PCDH11X: variants seen among roughly 807,000 people sequenced by gnomAD.
PCDH11X encodes the protein protocadherin 11 X-linked.
PCDH11X carries 18 observed loss-of-function variants against 53.3 expected under a neutral mutation model. The observed-to-expected ratio is 0.34, with a 90% CI of 0.23 to 0.50. The LOEUF is 0.50. PCDH11X is among the 20% of genes least tolerant of loss of function. The probability of loss-of-function intolerance (pLI) is 0.98; values close to 1 mark genes in which losing one functional copy is unlikely to be tolerated. For missense variants in PCDH11X, 570 were observed against 1,032.4 expected (o/e 0.55, Z 6.14); for synonymous variants, 279 against 393.3 (o/e 0.71, Z 3.44).
At chrX:91,965,683 T>C (rs1386596636) in intron 6 of PCDH11X, among the ~76,000 whole-genome samples, 1 of 111,895 alleles carries the variant, frequency 8.9e-6, no homozygotes, top group Non-Finnish European at 1.9e-5. Context: ...ATCTATTTCT[T>C]AATAAAAGAT....
chrX:92,174,239 C>A (rs970474742), intron 6 of PCDH11X, among the ~76,000 whole-genome samples: 3 of 107,786 alleles, frequency 2.8e-5, no homozygotes, highest in Non-Finnish European at 5.7e-5. Flanking sequence ...GAAAAAAAAA[C>A]CTCATAAAAC....
chrX:92,317,661 A>G (rs781778574), intron 8 of PCDH11X, among the ~76,000 whole-genome samples: 1 of 111,945 alleles, frequency 8.9e-6, no homozygotes, highest in South Asian at 3.7e-4. Flanking sequence ...CAGTTCTAAC[A>G]GATTTTTTTC....
At chrX:92,167,345 T>G (rs1030790320) in intron 6 of PCDH11X, among the ~76,000 whole-genome samples, 4 of 111,831 alleles carry the variant, frequency 3.6e-5, no homozygotes, top group African/African-American at 1.3e-4. Context: ...CATAGAATTA[T>G]TAGCAAAAAT....
At chrX:92,002,455 T>A (rs1369020957) in intron 6 of PCDH11X, among the ~76,000 whole-genome samples, 1 of 110,861 alleles carries the variant, frequency 9.0e-6, no homozygotes, top group Non-Finnish European at 1.9e-5. Flanking sequence ...GGTATTTTGA[T>A]AGGATTGCAT....
At chrX:92,609,178 A>T (rs1453909303) in intron 10 of PCDH11X, among the ~76,000 whole-genome samples, 2 of 111,926 alleles carry the variant, frequency 1.8e-5, no homozygotes, top group East Asian at 5.6e-4. Context: ...CCTTTTGGTG[A>T]TTATTAATAA....
intron 8 of PCDH11X, among the ~76,000 whole-genome samples, chrX:92,299,764 G>A (rs1207340924): frequency 9.1e-6 from 1 of 110,391 alleles, no homozygotes; most frequent in African/African-American, 3.3e-5. Flanking sequence ...ACCAACTCCT[G>A]CATTCATTAA....
chrX:92,085,048 A>T (rs1171113351), intron 6 of PCDH11X, among the ~76,000 whole-genome samples: 8 of 110,709 alleles, frequency 7.2e-5, no homozygotes, highest in Non-Finnish European at 1.5e-4. Context: ...GGCACTCAGA[A>T]CCAGAACAGG....
At chrX:91,973,286 G>T (rs1398696600) in intron 6 of PCDH11X, among the ~76,000 whole-genome samples, 225 of 71,325 alleles carry the variant, frequency 3.2e-3, no homozygotes, top group African/African-American at 0.012. Flanking sequence ...TGGGGACTGT[G>T]GTGGGGTGGG....
intron 6 of PCDH11X, among the ~76,000 whole-genome samples, chrX:91,909,425 C>A (rs1035061644): frequency 1.0e-4 from 11 of 106,454 alleles, no homozygotes; most frequent in Non-Finnish European, 1.9e-4. Flanking sequence ...TCATGAGAGA[C>A]CCAGCTTAAT....
intron 7 of PCDH11X, among the ~76,000 whole-genome samples, chrX:92,206,065 A>C (rs2066470555): frequency 1.8e-5 from 2 of 111,980 alleles, no homozygotes; most frequent in African/African-American, 6.5e-5. Context: ...CACAGGGAGT[A>C]CTTTTTTCTT....
intron 6 of PCDH11X, among the ~76,000 whole-genome samples, chrX:91,999,007 C>T (rs1178499072): frequency 4.5e-5 from 5 of 110,049 alleles, no homozygotes; most frequent in South Asian, 3.9e-4. Flanking sequence ...TCAACCTCCC[C>T]GGCTCAAAGG....
intron 8 of PCDH11X, among the ~76,000 whole-genome samples, chrX:92,289,443 T>G (rs2068448392): frequency 8.9e-6 from 1 of 111,975 alleles, no homozygotes; most frequent in Admixed American, 9.5e-5. Context: ...ATAACTGTAT[T>G]TTCATGATTT....
chrX:92,510,818 C>A (rs894146568), intron 10 of PCDH11X, among the ~76,000 whole-genome samples: 8 of 112,123 alleles, frequency 7.1e-5, no homozygotes, highest in African/African-American at 2.6e-4. Flanking sequence ...TTGAGTACGA[C>A]TTCCCCAAAC....
chrX:92,352,794 C>A (rs1176857241), intron 8 of PCDH11X, among the ~76,000 whole-genome samples: 7 of 111,712 alleles, frequency 6.3e-5, no homozygotes, highest in African/African-American at 2.3e-4. Flanking sequence ...GTTGTCTGCA[C>A]AGACAGAGTC....
chrX:91,819,379 T>C (rs1249805575), intron 4 of PCDH11X, among the ~76,000 whole-genome samples: 2 of 110,398 alleles, frequency 1.8e-5, no homozygotes, highest in Non-Finnish European at 3.8e-5. Context: ...GAAAAACTGA[T>C]TTCCTAAGAA....
chrX:91,955,075 G>A (rs2061692115), intron 6 of PCDH11X, among the ~76,000 whole-genome samples: 2 of 111,633 alleles, frequency 1.8e-5, no homozygotes, highest in East Asian at 5.7e-4. Context: ...TGTAGGGCTT[G>A]TATAGTTTTG....
chrX:91,948,570 T>C (rs1339008760), intron 6 of PCDH11X, among the ~76,000 whole-genome samples: 1 of 110,766 alleles, frequency 9.0e-6, no homozygotes, highest in African/African-American at 3.3e-5. Context: ...AGATGATACA[T>C]TTATATTAGT....
chrX:92,482,763 T>A (rs1209366583), intron 10 of PCDH11X, among the ~76,000 whole-genome samples: 1 of 108,351 alleles, frequency 9.2e-6, no homozygotes, highest in Non-Finnish European at 1.9e-5. Flanking sequence ...TACTCACACA[T>A]GTCTCATTAA....
chrX:92,208,536 T>TATATATATATATATAC lies in PCDH11X; in HGVS notation c.3114+7082_3114+7083insTATATATATATATACA, dbSNP rs1408059749. ...ATATATATATATATATATATATATATACAATTTTTTTTAAAGGAGGCTCTT... is the reference window on the plus strand; with the variant it reads ...ATATATATATATATATATATATATATATATATATATATATACACAATTTTTTTTAAAGGAGGCTCTT... On this transcript the variant is annotated intron_variant, in intron 7 of 10. Coordinates refer to ENST00000682573, the MANE Select transcript of PCDH11X (RefSeq NM_032968.5). Among the ~76,000 whole-genome samples the TATATATATATATATAC allele has an allele frequency of 5.7e-4, 46 of 80,069 alleles. 1 individual carries two copies. Among genetic ancestry groups the TATATATATATATATAC allele is most frequent in the African/African-American group, 2.1e-3 (42 of 20,191 alleles). The allele number at this position is 80,069 out of a possible 115,157, so 69.5% of individuals were successfully genotyped here. A position where few individuals can be genotyped will look rare whatever the true frequency, so the allele number is the denominator to read the frequency against.
Sources: allele counts gnomAD v4.1 joint callset (sites outside exome capture counted in the v4.1 genomes callset), GRCh38; gene constraint gnomAD v4.1.1; transcripts MANE v1.5; gene names NCBI Gene and HGNC (gene_info 2026-07-23, HGNC 2026-07-21).